The following HHIP variants were observed in gnomAD, a reference collection of about 807,000 sequenced individuals.
The protein encoded by HHIP is hedgehog interacting protein, also known as hedgehog-interacting protein.
HHIP carries 12 observed loss-of-function variants against 74.0 expected under a neutral mutation model. That is an observed-to-expected ratio of 0.16 (90% CI 0.10 to 0.26). HHIP has a LOEUF of 0.26. Among genes scored for constraint, HHIP ranks in the 10% least tolerant of loss-of-function variants. HHIP has a pLI of 1.00. For synonymous variants in HHIP, 309 were observed against 311.6 expected (o/e 0.99, Z 0.09); for missense variants, 788 against 845.0 (o/e 0.93, Z 0.84).
At chr4:144,659,551 GA>G (rs1165139601) in intron 3 of HHIP, 85 bp from the exon 4 acceptor site, 3 of 827,520 alleles carry the variant, frequency 3.6e-6, no homozygotes, top group Admixed American at 2.9e-5. Context: ...ATTCCTAGAG[GA>G]AATAGAGTTT....
chr4:144,711,793 C>T (rs569505295), intron 7 of HHIP, among the ~76,000 whole-genome samples, 157 bp from the exon 8 acceptor site: 16 of 152,274 alleles, frequency 1.1e-4, no homozygotes, highest in African/African-American at 7.2e-5. Context: ...GCAAACACAT[C>T]GGACTACTTC....
intron 2 of HHIP, among the ~76,000 whole-genome samples, chr4:144,657,936 A>G (rs563501784): frequency 6.6e-6 from 1 of 152,222 alleles, no homozygotes; most frequent in African/African-American, 2.4e-5. Flanking sequence ...ATCATTACAC[A>G]GTGAGTCAGT....
At chr4:144,714,597 G>T (rs1480396896) in intron 9 of HHIP, among the ~76,000 whole-genome samples, 1 of 151,946 alleles carries the variant, frequency 6.6e-6, no homozygotes, top group East Asian at 1.9e-4. Flanking sequence ...GTCTTCAGAT[G>T]GACTTTTCAT....
chr4:144,688,846 T>A (rs116395528), intron 4 of HHIP, among the ~76,000 whole-genome samples: 72 of 152,298 alleles, frequency 4.7e-4, no homozygotes, highest in African/African-American at 1.7e-3. Context: ...ATGAAGGCCA[T>A]AGACATTTTA....
At chr4:144,657,793 C>A (rs905133828) in intron 2 of HHIP, among the ~76,000 whole-genome samples, 1 of 151,888 alleles carries the variant, frequency 6.6e-6, no homozygotes, top group Non-Finnish European at 1.5e-5. Flanking sequence ...CTGTTTGAGA[C>A]GATTGAAGGA....
At chr4:144,664,882 AG>A (rs1269927360) in intron 4 of HHIP, among the ~76,000 whole-genome samples, 1 of 152,208 alleles carries the variant, frequency 6.6e-6, no homozygotes, top group Admixed American at 6.5e-5. Context: ...CTCATCTAAA[AG>A]AGAGTTGTTA....
At chr4:144,654,623 T>C (rs1728513086) in intron 2 of HHIP, among the ~76,000 whole-genome samples, 2 of 152,206 alleles carry the variant, frequency 1.3e-5, no homozygotes, top group South Asian at 4.1e-4. Flanking sequence ...GGCATGTAGG[T>C]TACCATTTCC....
intron 4 of HHIP, among the ~76,000 whole-genome samples, chr4:144,701,255 G>A (rs1344622512): frequency 6.6e-6 from 1 of 151,486 alleles, no homozygotes; most frequent in Non-Finnish European, 1.5e-5. Flanking sequence ...TTACCAGATG[G>A]TCTTACTGTT....
chr4:144,655,437 T>G (rs1194544814), intron 2 of HHIP, among the ~76,000 whole-genome samples: 1 of 152,196 alleles, frequency 6.6e-6, no homozygotes, highest in East Asian at 1.9e-4. Context: ...CTTCTTCCTC[T>G]GTACCTGTAG....
chr4:144,708,800 C>A (rs770911892), intron 7 of HHIP, among the ~76,000 whole-genome samples: 1 of 152,142 alleles, frequency 6.6e-6, no homozygotes, highest in African/African-American at 2.4e-5. Flanking sequence ...AAATGAATTG[C>A]AATTCTTGTT....
chr4:144,711,966 C>A lies in HHIP; in HGVS notation c.1318C>A (p.His440Asn), dbSNP rs1400069100. The A allele has an allele frequency of 1.9e-6, 3 of 1,611,974 alleles. No homozygotes were observed. Among genetic ancestry groups the A allele is most frequent in the Non-Finnish European group, 1.7e-6 (2 of 1,178,624 alleles). Residue 440 changes from histidine to asparagine, a missense_variant, in exon 8 of 13, where the codon CAT (histidine) becomes AAT (asparagine). Physicochemically the swap from His to Asn is moderately conservative, Grantham distance 68. Around this residue, in one of 3 missense-constraint regions of HHIP, gnomAD observed 343 missense variants for 347.9 expected, o/e 0.99. Coordinates refer to ENST00000296575, the MANE Select transcript of HHIP (RefSeq NM_022475.3). ...HDPGRCAVDR[H>N]PTDININLTI... ...GTTATGCAGATGTGCTGTGGATAGA[C>A]ATCCCACTGATATAAACATCAATTT...
At chr4:144,704,700 G>A (rs1193073667) in intron 4 of HHIP, among the ~76,000 whole-genome samples, 5 of 152,212 alleles carry the variant, frequency 3.3e-5, no homozygotes, top group African/African-American at 1.2e-4. Context: ...CAGGCATGCA[G>A]TACTTAACCT....
intron 11 of HHIP, among the ~76,000 whole-genome samples, chr4:144,726,616 A>G (rs1219324951): frequency 1.3e-5 from 2 of 152,214 alleles, no homozygotes; most frequent in East Asian, 1.9e-4. Context: ...GCTACAGTGC[A>G]AATTTCTTTA....
rs1302581484 is a variant in HHIP, at chr4:144,742,878, ATATATATCTTATATATATATCTTTT to A, written c.*4929_*4953del. ...ATATATCTTATATATATATCTTTTT[ATATATATCTTATATATATATCTTTT>A]TATATATATCTTATATATATATCTT... is the stretch of plus-strand genomic sequence containing the variant. On this transcript the variant is annotated 3_prime_UTR_variant, in exon 13 of 13. Transcript: ENST00000296575. The A allele has an allele frequency of 1.0e-4, 4 of 40,090 alleles. No individual in the cohort carries two copies. The highest frequency in any genetic ancestry group is 3.0e-4 in the African/African-American group (4 of 13,492). The allele number at this position is 40,090 out of a possible 1,614,324, so 2.5% of individuals were successfully genotyped here. A position where few individuals can be genotyped will look rare whatever the true frequency, so the allele number is the denominator to read the frequency against.
At position 144,737,967 on chromosome 4, in the gene HHIP, C is replaced by T; in HGVS notation, c.*10C>T. 2 of 1,554,308 alleles carry T rather than the reference C, an allele frequency of 1.3e-6. No homozygotes were observed. Among genetic ancestry groups the T allele is most frequent in the South Asian group, 2.4e-5 (2 of 81,946 alleles). Reference sequence around the variant, plus strand: ...AAGTTACATTGTATAGTTTCTGGGACTGTTTGAATATTCTATTCCAATGGG... The same window carrying T: ...AAGTTACATTGTATAGTTTCTGGGATTGTTTGAATATTCTATTCCAATGGG... On this transcript the variant is annotated 3_prime_UTR_variant, in exon 13 of 13. Transcript: ENST00000296575.
chr4:144,714,760 G>A (rs1730398768), intron 9 of HHIP, among the ~76,000 whole-genome samples: 2 of 152,134 alleles, frequency 1.3e-5, no homozygotes, highest in Non-Finnish European at 1.5e-5. Context: ...GACTTTAAGC[G>A]AGATAATATA....
intron 12 of HHIP, among the ~76,000 whole-genome samples, chr4:144,736,866 C>A (rs566106770): frequency 6.6e-6 from 1 of 151,760 alleles, no homozygotes; most frequent in Non-Finnish European, 1.5e-5. Flanking sequence ...TTTCTTCTTA[C>A]TTTTTCTATC....
chr4:144,713,371 CT>C lies in HHIP; in HGVS notation c.1424-848del, dbSNP rs140910953. Reference sequence around the variant, plus strand: ...TTTAAAATTTCTCTTATCTTTTCTACTTTTTTGTAGTCTCATATACACCATA... The same window carrying C: ...TTTAAAATTTCTCTTATCTTTTCTACTTTTTGTAGTCTCATATACACCATA... On this transcript the variant is annotated intron_variant, in intron 8 of 12. Coordinates refer to ENST00000296575, the MANE Select transcript of HHIP (RefSeq NM_022475.3). Among the ~76,000 whole-genome samples, 734 of 152,234 alleles carry C rather than the reference CT, an allele frequency of 4.8e-3. 10 individuals carry two copies. Among genetic ancestry groups the C allele is most frequent in the African/African-American group, 0.017 (692 of 41,564 alleles).
At chr4:144,669,280 A>G (rs1728966817) in intron 4 of HHIP, among the ~76,000 whole-genome samples, 1 of 152,056 alleles carries the variant, frequency 6.6e-6, no homozygotes, top group African/African-American at 2.4e-5. Flanking sequence ...CTATTTATCA[A>G]GACCATTTTA....
Sources: allele counts gnomAD v4.1 joint callset (sites outside exome capture counted in the v4.1 genomes callset), GRCh38; gene constraint gnomAD v4.1.1; regional missense constraint gnomAD v4.1.1; transcripts MANE v1.5; gene names NCBI Gene and HGNC (gene_info 2026-07-23, HGNC 2026-07-21).